Variants in CNGB3 observed in about 807,000 individuals in gnomAD.
The protein encoded by CNGB3 is cyclic nucleotide-gated channel beta-3.
In CNGB3, 86 loss-of-function variants were observed where a neutral mutation model predicts 92.8. The ratio of observed to expected loss-of-function variants is 0.93; its 90% confidence interval spans 0.78 to 1.11. The LOEUF (loss-of-function observed/expected upper bound fraction) is 1.11, where lower values mean the gene tolerates loss of function less well. CNGB3 is among the 50% of genes least tolerant of loss of function. The pLI, the probability that CNGB3 is intolerant of heterozygous loss-of-function variation, is 0.00. For missense variants in CNGB3, 1,026 were observed against 956.8 expected (o/e 1.07, Z -0.95); for synonymous variants, 333 against 332.7 (o/e 1.00, Z -0.01).
intron 10 of CNGB3, among the ~76,000 whole-genome samples, chr8:86,642,091 T>C (rs1390743961): frequency 6.6e-6 from 1 of 151,784 alleles, no homozygotes; most frequent in Non-Finnish European, 1.5e-5. Flanking sequence ...TATTATTATA[T>C]ACTTAACACT....
At chr8:86,603,171 T>C (rs980312000) in intron 15 of CNGB3, among the ~76,000 whole-genome samples, 2 of 152,208 alleles carry the variant, frequency 1.3e-5, no homozygotes, top group Non-Finnish European at 2.9e-5. Flanking sequence ...TTTTCCTTCA[T>C]AGTAGTTATT....
At chr8:86,738,698 G>A (rs1825287587) in intron 2 of CNGB3, among the ~76,000 whole-genome samples, 1 of 152,074 alleles carries the variant, frequency 6.6e-6, no homozygotes, top group Non-Finnish European at 1.5e-5. Flanking sequence ...AATTAGCCAG[G>A]CTTGGTGGTG....
At chr8:86,657,924 C>A (rs909087739) in intron 6 of CNGB3, 2 of 551,198 alleles carry the variant, frequency 3.6e-6, no homozygotes, top group African/African-American at 3.8e-5. Flanking sequence ...CGTGCAGCTC[C>A]CCCTGCCATG....
rs780344162 is a variant in CNGB3 at position 86,604,096 on chromosome 8, A to C, written c.1778T>G (p.Ile593Ser). The C allele has an allele frequency of 8.1e-6, 13 of 1,602,362 alleles. No individual in the cohort carries two copies. The highest frequency in any genetic ancestry group is 1.3e-5 in the African/African-American group (1 of 74,648). ...TTATGAAGTATCTTTCAGATACCTG[A>C]TTTCTCCAAACACCGACCCAGCTTT... ...TLKAGSVFGE[I>S]SLLAAGGGNR... Residue 593 changes from isoleucine to serine, a missense_variant, in exon 15 of 18, where the codon ATC (isoleucine) becomes AGC (serine). By Grantham distance (142) the Ile-to-Ser change is moderately radical. Transcript: ENST00000320005.
chr8:86,610,066 GTGGTTCTCAGTTTTGGC>G (rs1197842688), intron 14 of CNGB3, among the ~76,000 whole-genome samples: 14 of 152,172 alleles, frequency 9.2e-5, no homozygotes, highest in African/African-American at 3.4e-4. Flanking sequence ...CATGAAGCCA[GTGGTTCTCAGTTTTGGC>G]TGCATTTTAG....
intron 3 of CNGB3, among the ~76,000 whole-genome samples, chr8:86,684,518 A>G (rs1824145410): frequency 6.6e-6 from 1 of 152,080 alleles, no homozygotes; most frequent in African/African-American, 2.4e-5. Flanking sequence ...AGAAATAAAA[A>G]CTTTGTGTTT....
chr8:86,695,275 AG>A (rs1300493319), intron 3 of CNGB3, among the ~76,000 whole-genome samples: 1 of 152,148 alleles, frequency 6.6e-6, no homozygotes, highest in African/African-American at 2.4e-5. Flanking sequence ...TCGGCATCAG[AG>A]GGAGACCGTG....
At chr8:86,724,340 T>C (rs935584376) in intron 3 of CNGB3, among the ~76,000 whole-genome samples, 4 of 152,152 alleles carry the variant, frequency 2.6e-5, no homozygotes, top group African/African-American at 7.2e-5. Context: ...TATTCTTGCT[T>C]TTATCAAGAA....
At chr8:86,667,446 T>C (rs1317406846) in intron 5 of CNGB3, among the ~76,000 whole-genome samples, 1 of 152,168 alleles carries the variant, frequency 6.6e-6, no homozygotes, top group East Asian at 1.9e-4. Flanking sequence ...TCAAGAAAAG[T>C]TGGAAGGACT....
chr8:86,659,034 T>A, intron 6 of CNGB3: 1 of 976,698 alleles, frequency 1.0e-6, no homozygotes, highest in Non-Finnish European at 1.6e-6. Flanking sequence ...GGCCTCCACT[T>A]ATAGCTGCTG....
In CNGB3 at chr8:86,611,583, C is replaced by T. The variant is rs1822522102; in HGVS notation, c.1662+5G>A. 6 of 1,609,068 alleles carry T rather than the reference C, an allele frequency of 3.7e-6. No individual in the cohort carries two copies. The highest frequency in any genetic ancestry group is 5.1e-6 in the Non-Finnish European group (6 of 1,175,588). ...TTGTGCATTTGAAAAATAGCATGCA[C>T]TCACCTTTTTGCAGACAAAGTCACC... On this transcript the variant is annotated splice_donor_5th_base_variant and intron_variant, in intron 14 of 17. Transcript: ENST00000320005.
At chr8:86,677,341 G>C (rs1054043053) in intron 3 of CNGB3, among the ~76,000 whole-genome samples, 2 of 152,214 alleles carry the variant, frequency 1.3e-5, no homozygotes, top group African/African-American at 4.8e-5. Flanking sequence ...AGTTGTAAGA[G>C]AAATAGCAAT....
intron 2 of CNGB3, among the ~76,000 whole-genome samples, chr8:86,727,478 G>T (rs375393039): frequency 6.6e-6 from 1 of 151,936 alleles, no homozygotes; most frequent in South Asian, 2.1e-4. Context: ...ATTTTCTGAC[G>T]AAATGATACA....
intron 3 of CNGB3, among the ~76,000 whole-genome samples, chr8:86,716,706 A>T (rs1213077070): frequency 1.3e-5 from 2 of 152,222 alleles, no homozygotes; most frequent in Admixed American, 6.5e-5. Context: ...GTACTTAAAG[A>T]ACTGCTAAAA....
chr8:86,587,883 T>C lies in CNGB3; in HGVS notation c.1782-8631A>G, dbSNP rs532796290. On this transcript the variant is annotated intron_variant, in intron 15 of 17. Coordinates refer to ENST00000320005, the MANE Select transcript of CNGB3 (RefSeq NM_019098.5). ...TTTCCAATTCTGTGATGAAACGCAT[T>C]GGTAGCTTGATGGGGATTGCATTGA... Among the ~76,000 whole-genome samples, 8 of 152,314 alleles carry C rather than the reference T, an allele frequency of 5.3e-5. No homozygotes were observed. In the East Asian group the frequency reaches 1.3e-3, roughly 26 times the overall value.
chr8:86,582,940 T>C (rs1821817665), intron 15 of CNGB3, among the ~76,000 whole-genome samples: 1 of 151,464 alleles, frequency 6.6e-6, no homozygotes, highest in African/African-American at 2.4e-5. Flanking sequence ...TCATTCCTTT[T>C]TGTTTTTTTT....
At chr8:86,728,309 T>C (rs1436029012) in intron 2 of CNGB3, among the ~76,000 whole-genome samples, 1 of 152,164 alleles carries the variant, frequency 6.6e-6, no homozygotes, top group African/African-American at 2.4e-5. Context: ...TACAGGCACA[T>C]GTGGTACACT....
At chr8:86,711,202 T>C (rs1293798890) in intron 3 of CNGB3, among the ~76,000 whole-genome samples, 1 of 152,088 alleles carries the variant, frequency 6.6e-6, no homozygotes, top group East Asian at 1.9e-4. Context: ...TAAGTTCACC[T>C]CTGTTTCTCT....
At chr8:86,636,218 A>G (rs1823068119) in intron 10 of CNGB3, among the ~76,000 whole-genome samples, 1 of 152,004 alleles carries the variant, frequency 6.6e-6, no homozygotes, top group African/African-American at 2.4e-5. Flanking sequence ...TTCAGAATAT[A>G]TATGTTAACT....
Sources: gnomAD v4.1 joint callset for allele counts (sites outside exome capture counted in the v4.1 genomes callset) on GRCh38, gnomAD v4.1.1 for gene constraint, MANE v1.5 for transcripts, NCBI Gene and HGNC (gene_info 2026-07-23, HGNC 2026-07-21) for gene names.